GALNTL6: variants seen among roughly 807,000 people sequenced by gnomAD.
GALNTL6 encodes polypeptide N-acetylgalactosaminyltransferase like 6, also known as polypeptide N-acetylgalactosaminyltransferase-like 6.
In GALNTL6, 46 loss-of-function variants were observed where a neutral mutation model predicts 73.7. That is an observed-to-expected ratio of 0.62 (90% CI 0.49 to 0.80). The LOEUF (loss-of-function observed/expected upper bound fraction) is 0.80, where lower values mean the gene tolerates loss of function less well. Ranked by LOEUF, GALNTL6 falls within the 30% of genes least tolerant of loss-of-function variation. The pLI is 0.00. For missense variants in GALNTL6, 604 were observed against 755.0 expected (o/e 0.80, Z 2.34); for synonymous variants, 259 against 263.7 (o/e 0.98, Z 0.17).
At chr4:171,988,712 A>T (rs951195121) in intron 2 of GALNTL6, among the ~76,000 whole-genome samples, 1 of 152,220 alleles carries the variant, frequency 6.6e-6, no homozygotes, top group Non-Finnish European at 1.5e-5. Context: ...TTAAAAGGCC[A>T]TGCTGTAACA....
intron 9 of GALNTL6, among the ~76,000 whole-genome samples, chr4:172,936,934 G>C (rs998027019): frequency 2.0e-5 from 3 of 152,146 alleles, no homozygotes; most frequent in Non-Finnish European, 4.4e-5. Flanking sequence ...ACCGAGGTCT[G>C]TCTGGTCGAG....
chr4:172,001,468 A>G (rs1048700705), intron 2 of GALNTL6, among the ~76,000 whole-genome samples: 4 of 152,148 alleles, frequency 2.6e-5, no homozygotes, highest in Non-Finnish European at 5.9e-5. Flanking sequence ...TGAAAAGGAG[A>G]TGGGTTCAGA....
chr4:172,831,157 C>CAGAA (rs1742611061), intron 7 of GALNTL6, among the ~76,000 whole-genome samples: 1 of 63,882 alleles, frequency 1.6e-5, no homozygotes, highest in African/African-American at 6.2e-5. Flanking sequence ...GACTCCCTCT[C>CAGAA]AAAAAAAAAA....
intron 5 of GALNTL6, among the ~76,000 whole-genome samples, chr4:172,466,212 C>T (rs1430016696): frequency 3.9e-5 from 6 of 152,098 alleles, no homozygotes; most frequent in Non-Finnish European, 8.8e-5. Flanking sequence ...GCTAAGACAT[C>T]ACTTCCTAAA....
intron 7 of GALNTL6, among the ~76,000 whole-genome samples, chr4:172,847,063 C>A (rs1743551343): frequency 6.6e-6 from 1 of 152,106 alleles, no homozygotes; most frequent in Non-Finnish European, 1.5e-5. Context: ...TCACAATCAC[C>A]TTTTTATTCA....
chr4:172,233,236 A>C (rs968012819), intron 3 of GALNTL6, among the ~76,000 whole-genome samples: 11 of 150,848 alleles, frequency 7.3e-5, no homozygotes, highest in Non-Finnish European at 1.5e-4. Flanking sequence ...TCATCCGGGC[A>C]TGGTGACATG....
intron 2 of GALNTL6, among the ~76,000 whole-genome samples, chr4:172,189,459 A>G (rs913696444): frequency 6.6e-6 from 1 of 152,152 alleles, no homozygotes; most frequent in South Asian, 2.1e-4. Context: ...TCTGTAACAA[A>G]ATGAAGACTT....
At chr4:172,563,336 A>T (rs1163739524) in intron 5 of GALNTL6, among the ~76,000 whole-genome samples, 1 of 144,990 alleles carries the variant, frequency 6.9e-6, no homozygotes, top group African/African-American at 2.4e-5. Context: ...GAGCCACGAT[A>T]TGAGGAGCCC....
intron 5 of GALNTL6, among the ~76,000 whole-genome samples, chr4:172,414,015 T>A (rs1744535907): frequency 6.6e-6 from 1 of 152,154 alleles, no homozygotes; most frequent in African/African-American, 2.4e-5. Flanking sequence ...AAGTTCGGTA[T>A]CTTCAAAAAA....
chr4:172,791,438 A>C (rs1318482850), intron 5 of GALNTL6, among the ~76,000 whole-genome samples: 1 of 152,242 alleles, frequency 6.6e-6, no homozygotes. Context: ...AGCTGGGTGC[A>C]TGAGTGATTT....
chr4:172,991,637 A>G (rs1450621449), intron 10 of GALNTL6, among the ~76,000 whole-genome samples: 1 of 151,796 alleles, frequency 6.6e-6, no homozygotes, highest in East Asian at 1.9e-4. Context: ...GGAGCTCCTG[A>G]CCTCAAATTA....
intron 5 of GALNTL6, among the ~76,000 whole-genome samples, chr4:172,546,806 A>ATACGCATATATATG (rs1554034205): frequency 1.0e-5 from 1 of 99,092 alleles, no homozygotes; most frequent in African/African-American, 3.9e-5. Flanking sequence ...ACGTATATAT[A>ATACGCATATATATG]CGTATATATA....
chr4:172,948,888 G>A (rs140975779), intron 9 of GALNTL6, among the ~76,000 whole-genome samples: 110 of 152,188 alleles, frequency 7.2e-4, no homozygotes, highest in African/African-American at 2.3e-3. Flanking sequence ...CTTGACCCTT[G>A]GTGACAGCTT....
chr4:172,376,754 G>A (rs765344464), intron 5 of GALNTL6, among the ~76,000 whole-genome samples: 2 of 152,138 alleles, frequency 1.3e-5, no homozygotes, highest in Non-Finnish European at 1.5e-5. Flanking sequence ...TAGTCTCTTC[G>A]TGGTTGCCAA....
At chr4:172,554,860 G>A (rs1469305585) in intron 5 of GALNTL6, among the ~76,000 whole-genome samples, 3 of 152,050 alleles carry the variant, frequency 2.0e-5, no homozygotes, top group African/African-American at 4.8e-5. Flanking sequence ...TATAAATAAT[G>A]CCACTATGAT....
intron 2 of GALNTL6, among the ~76,000 whole-genome samples, chr4:172,186,209 C>G (rs1476149114): frequency 1.3e-5 from 2 of 152,014 alleles, no homozygotes; most frequent in African/African-American, 2.4e-5. Flanking sequence ...CATATTGGTC[C>G]TTAAAGAAAT....
chr4:172,922,278 GA>G (rs1202834423), intron 8 of GALNTL6, among the ~76,000 whole-genome samples: 1 of 152,138 alleles, frequency 6.6e-6, no homozygotes, highest in Non-Finnish European at 1.5e-5. Flanking sequence ...TCAGCAGCAT[GA>G]AAACGGACTA....
intron 5 of GALNTL6, among the ~76,000 whole-genome samples, chr4:172,585,764 A>G (rs1737386557): frequency 6.6e-6 from 1 of 152,150 alleles, no homozygotes; most frequent in African/African-American, 2.4e-5. Context: ...TCCTTTGGGT[A>G]AAAGGTCTAA....
chr4:172,097,432 T>G (rs896840673), intron 2 of GALNTL6, among the ~76,000 whole-genome samples: 2 of 152,180 alleles, frequency 1.3e-5, no homozygotes, highest in African/African-American at 4.8e-5. Flanking sequence ...CTGCCCATTA[T>G]GAGGAAGGCA....
Sources: allele counts gnomAD v4.1 joint callset (sites outside exome capture counted in the v4.1 genomes callset), GRCh38; gene constraint gnomAD v4.1.1; transcripts MANE v1.5; gene names NCBI Gene and HGNC (gene_info 2026-07-23, HGNC 2026-07-21).